ZNF273: variants seen among roughly 807,000 people sequenced by gnomAD.
ZNF273 encodes the protein zinc finger protein 9.
A neutral mutation model predicts 14.9 loss-of-function variants in ZNF273; 11 were observed. The observed-to-expected ratio is 0.74, with a 90% CI of 0.46 to 1.22. The LOEUF (loss-of-function observed/expected upper bound fraction) is 1.22, where lower values mean the gene tolerates loss of function less well. Ranked by LOEUF, ZNF273 falls within the 50% of genes most tolerant of loss-of-function variation. The pLI is 0.00. For synonymous variants in ZNF273, 199 were observed against 223.9 expected (o/e 0.89, Z 0.99); for missense variants, 577 against 660.6 (o/e 0.87, Z 1.39).
intron 1 of ZNF273, among the ~76,000 whole-genome samples, chr7:64,885,984 C>A (rs188648822): frequency 2.2e-3 from 328 of 150,558 alleles, no homozygotes; most frequent in Non-Finnish European, 2.7e-3. Flanking sequence ...GAAAAGACTG[C>A]AGGGGCCTTG....
chr7:64,931,200 C>T (rs554255023), downstream of ZNF273, among the ~76,000 whole-genome samples: 17 of 152,178 alleles, frequency 1.1e-4, no homozygotes, highest in Admixed American at 3.9e-4. Context: ...CAAAACAAAT[C>T]ATTTTAATAA....
downstream of ZNF273, among the ~76,000 whole-genome samples, chr7:64,882,007 C>G (rs548003732): frequency 1.9e-4 from 29 of 152,290 alleles, no homozygotes; most frequent in African/African-American, 6.7e-4. Flanking sequence ...GACCTCTTCT[C>G]CACCGTGTCC....
chr7:64,911,711 GT>G (rs1201099114), intron 1 of ZNF273, among the ~76,000 whole-genome samples: 6 of 151,932 alleles, frequency 3.9e-5, no homozygotes, highest in African/African-American at 1.5e-4. Flanking sequence ...ATTTTGTATA[GT>G]TTTTTTATGT....
downstream of ZNF273, among the ~76,000 whole-genome samples, chr7:64,883,555 AG>A (rs1277805427): frequency 6.6e-6 from 1 of 152,174 alleles, no homozygotes. Context: ...ATGATACAGA[AG>A]GTGCTTCCCA....
At chr7:64,917,021 T>A in intron 1 of ZNF273, 1 of 1,273,294 alleles carries the variant, frequency 7.9e-7, no homozygotes, top group African/African-American at 1.5e-5. Flanking sequence ...CTCTCATCTT[T>A]GTTTACAGGC....
At chr7:64,932,323 A>G (rs1362195183), downstream of ZNF273, among the ~76,000 whole-genome samples, 1 of 151,510 alleles carries the variant, frequency 6.6e-6, no homozygotes, top group Non-Finnish European at 1.5e-5. Context: ...TTATTTATTT[A>G]TTTAGAGATG....
downstream of ZNF273, chr7:64,889,334 C>T (rs557007328): frequency 1.8e-4 from 178 of 963,784 alleles, 1 homozygote; most frequent in Middle Eastern, 4.2e-3. The surrounding 1 kb of genome is among the most constrained non-coding windows in gnomAD (Gnocchi z 4.2). Context: ...ACCGCGTCCC[C>T]TCCGCCCCAA....
At chr7:64,931,477 G>A (rs548897799), downstream of ZNF273, among the ~76,000 whole-genome samples, 5 of 152,060 alleles carry the variant, frequency 3.3e-5, no homozygotes, top group East Asian at 7.7e-4. Context: ...ATTTAGTAGT[G>A]CACAAAAAGT....
rs146169239 is a variant in ZNF273, at chr7:64,916,459, C to T, written c.103-1122C>T. Among the ~76,000 whole-genome samples the T allele has an allele frequency of 6.7e-4, 98 of 146,562 alleles. 1 individual carries two copies. The highest frequency in any genetic ancestry group is 2.3e-3 in the African/African-American group (92 of 40,036). ...ACTTGGGAGACTGAAGCAGGAGAAT[C>T]GCTTGAATTCGGGAGGCGAAGATTG... On this transcript the variant is annotated intron_variant, in intron 1 of 3. Coordinates refer to ENST00000476120, the MANE Select transcript of ZNF273 (RefSeq NM_021148.3).
intron 3 of ZNF273, among the ~76,000 whole-genome samples, chr7:64,918,520 G>A (rs7796024): frequency 0.45 from 68,366 of 151,762 alleles, 15,694 homozygotes; most frequent in Admixed American, 0.51. Flanking sequence ...AATTAGCTGG[G>A]CGTGGTGGCA....
rs759131908 is a variant in ZNF273 at position 64,927,971 on chromosome 7, T to C, written c.643T>C (p.Cys215Arg). Residue 215 changes from cysteine (C) to arginine (R), a missense_variant, in exon 4 of 4, where the codon TGT becomes CGT. Coordinates refer to ENST00000476120, the MANE Select transcript of ZNF273 (RefSeq NM_021148.3). ...CAAATGTAAAGAATGTGGCAAATCATGTTGCATACTTTCACAACTAACTCA... is the reference window on the plus strand; with the variant it reads ...CAAATGTAAAGAATGTGGCAAATCACGTTGCATACTTTCACAACTAACTCA... The part of the protein sequence containing the change: ...PFKCKECGKS[C>R]CILSQLTQHK... 4 of 1,613,982 alleles carry C rather than the reference T, an allele frequency of 2.5e-6. No individual in the cohort carries two copies. The highest frequency in any genetic ancestry group is 3.4e-6 in the Non-Finnish European group (4 of 1,179,938).
At chr7:64,905,421 T>C (rs946885495) in intron 1 of ZNF273, among the ~76,000 whole-genome samples, 23 of 6,196 alleles carry the variant, frequency 3.7e-3, no homozygotes, top group African/African-American at 5.0e-3. Context: ...CTGGCCACAC[T>C]TTTTTTTTTT....
At chr7:64,923,848 C>G (rs1011519086) in intron 3 of ZNF273, 6 of 152,126 alleles carry the variant, frequency 3.9e-5, no homozygotes, top group African/African-American at 1.5e-4. Flanking sequence ...ATACTTGTAG[C>G]AAATTGTTTT....
In ZNF273 at chr7:64,927,355, TG is replaced by T. The variant is rs1221328916; in HGVS notation, c.326-296del. Among the ~76,000 whole-genome samples the T allele has an allele frequency of 2.0e-5, 3 of 151,050 alleles. No individual in the cohort carries two copies. The Admixed American group carries it at 2.0e-4, about 10-fold the overall frequency. On this transcript the variant is annotated intron_variant, in intron 3 of 3. Coordinates refer to ENST00000476120, the MANE Select transcript of ZNF273 (RefSeq NM_021148.3). ...TGCCTGCCTCGGCCTCCCAAAATGC[TG>T]GGATTACAGGCATGAGCCACTGCAC...
At chr7:64,931,714 A>G (rs1794995758), downstream of ZNF273, among the ~76,000 whole-genome samples, 3 of 152,168 alleles carry the variant, frequency 2.0e-5, no homozygotes, top group Admixed American at 6.6e-5. Context: ...GCTGTTCTAT[A>G]TAAACATAGC....
At position 64,929,973 on chromosome 7, in the gene ZNF273, TCTC is replaced by T. The variant is rs1262152325; in HGVS notation, c.*938_*940del. 1.3e-5 allele frequency: 2 copies of T among 152,646 alleles called. No homozygotes were observed. Among genetic ancestry groups the T allele is most frequent in the Non-Finnish European group, 2.9e-5 (2 of 68,354 alleles). 9.5% of individuals were successfully genotyped at this position (152,646 alleles called of 1,614,324 possible). A position where few individuals can be genotyped will look rare whatever the true frequency, so the allele number is the denominator to read the frequency against. ...CCTCTGCCTCCCAGATTCAAGCAAT[TCTC>T]CTGCCTCAGCCTCCCTAGTAGCTGG... On this transcript the variant is annotated 3_prime_UTR_variant, in exon 4 of 4. Transcript: ENST00000476120.
intron 3 of ZNF273, chr7:64,923,432 T>G: frequency 2.2e-6 from 1 of 451,672 alleles, no homozygotes; most frequent in Non-Finnish European, 4.4e-6. Flanking sequence ...CCTCTGCCCC[T>G]CGGGATTCAA....
rs1794918172 is a variant in ZNF273 at position 64,929,260 on chromosome 7, A to G, written c.*222A>G. 2.8e-6 allele frequency: 1 copy of G among 351,176 alleles called. No individual in the cohort carries two copies. The highest frequency in any genetic ancestry group is 2.1e-5 in the African/African-American group (1 of 47,536). The allele number at this position is 351,176 out of a possible 1,614,324, so 21.8% of individuals were successfully genotyped here. On this transcript the variant is annotated 3_prime_UTR_variant, in exon 4 of 4. Transcript: ENST00000476120. ...TAATAAAAGCATTATCAATGAAATT[A>G]CTGTCAAAAGATCTTTCAGACAATA...
chr7:64,892,562 A>G (rs189314304), downstream of ZNF273, among the ~76,000 whole-genome samples: 1 of 152,260 alleles, frequency 6.6e-6, no homozygotes, highest in African/African-American at 2.4e-5. Flanking sequence ...AATGGTCATA[A>G]AAAACTAGGA....
Sources: gnomAD v4.1 joint callset for allele counts (sites outside exome capture counted in the v4.1 genomes callset) on GRCh38, gnomAD v4.1.1 for gene constraint, Gnocchi (gnomAD v3.1) non-coding constraint, MANE v1.5 for transcripts, NCBI Gene and HGNC (gene_info 2026-07-23, HGNC 2026-07-21) for gene names.